LRP1B: variants seen among roughly 807,000 people sequenced by gnomAD.
LRP1B encodes low-density lipoprotein receptor-related protein 1B.
A neutral mutation model predicts 556.6 loss-of-function variants in LRP1B; 217 were observed. That is an observed-to-expected ratio of 0.39 (90% CI 0.35 to 0.44). LRP1B has a LOEUF of 0.44. LRP1B is among the 20% of genes least tolerant of loss of function. LRP1B has a pLI of 1.00. For missense variants in LRP1B, 5,053 were observed against 5,620.8 expected (o/e 0.90, Z 3.23); for synonymous variants, 2,047 against 1,865.8 (o/e 1.10, Z -2.50).
At chr2:141,566,097 T>C (rs1686320126) in intron 2 of LRP1B, among the ~76,000 whole-genome samples, 1 of 151,556 alleles carries the variant, frequency 6.6e-6, no homozygotes. Flanking sequence ...TGGCAGAAAA[T>C]GTTATTAAAA....
At chr2:141,069,152 C>A (rs1699564581) in intron 7 of LRP1B, among the ~76,000 whole-genome samples, 1 of 152,124 alleles carries the variant, frequency 6.6e-6, no homozygotes, top group Admixed American at 6.6e-5. Context: ...AGTACAAATG[C>A]AGTCCATCCT....
chr2:141,452,797 C>G (rs1341235397), intron 3 of LRP1B, among the ~76,000 whole-genome samples: 1 of 152,180 alleles, frequency 6.6e-6, no homozygotes, highest in East Asian at 1.9e-4. Flanking sequence ...GAGGTATTTC[C>G]TTTCTTAGAG....
intron 3 of LRP1B, among the ~76,000 whole-genome samples, chr2:141,427,688 T>A (rs975547201): frequency 9.2e-5 from 14 of 152,332 alleles, no homozygotes; most frequent in African/African-American, 2.6e-4. Flanking sequence ...TTGTTTTGTT[T>A]TTGTGGACTT....
chr2:141,960,024 C>T (rs1181369030), intron 1 of LRP1B, among the ~76,000 whole-genome samples: 1 of 151,872 alleles, frequency 6.6e-6, no homozygotes, highest in East Asian at 1.9e-4. Context: ...CCTATGTATA[C>T]AGACACATGC....
chr2:141,813,490 T>C (rs1444223712), intron 1 of LRP1B, among the ~76,000 whole-genome samples: 1 of 151,422 alleles, frequency 6.6e-6, no homozygotes, highest in African/African-American at 2.4e-5. Flanking sequence ...ACTAAAGAGG[T>C]CAACGTGGCT....
intron 83 of LRP1B, among the ~76,000 whole-genome samples, chr2:140,298,549 T>G (rs1306048320): frequency 6.6e-6 from 1 of 152,194 alleles, no homozygotes; most frequent in African/African-American, 2.4e-5. Flanking sequence ...GTGCTAAATC[T>G]AATTTTGTCT....
chr2:141,057,394 C>T (rs534404872), intron 9 of LRP1B, among the ~76,000 whole-genome samples: 2 of 151,930 alleles, frequency 1.3e-5, no homozygotes, highest in South Asian at 2.1e-4. Flanking sequence ...CATGTTCTCT[C>T]CTCATGGCTT....
chr2:141,445,726 T>C (rs1387616036), intron 3 of LRP1B, among the ~76,000 whole-genome samples: 1 of 152,226 alleles, frequency 6.6e-6, no homozygotes, highest in Non-Finnish European at 1.5e-5. Flanking sequence ...CATGTAGTTA[T>C]GCGTTTTGAT....
chr2:141,276,243 T>A (rs148850388), intron 3 of LRP1B, among the ~76,000 whole-genome samples: 93 of 152,328 alleles, frequency 6.1e-4, no homozygotes, highest in African/African-American at 2.1e-3. Context: ...TTCGCAGCAC[T>A]TACCACAGTC....
chr2:141,611,709 G>A (rs1688113337), intron 2 of LRP1B, among the ~76,000 whole-genome samples: 1 of 152,180 alleles, frequency 6.6e-6, no homozygotes, highest in Admixed American at 6.5e-5. Flanking sequence ...TAGATGTGGT[G>A]CGGAGCCATG....
chr2:140,352,892 T>A (rs531013146), intron 76 of LRP1B, 61 bp downstream of exon 76: 2 of 1,480,402 alleles, frequency 1.4e-6, no homozygotes, highest in East Asian at 4.7e-5. Flanking sequence ...AAAACATTTT[T>A]CTCCATAAAA....
chr2:140,950,133 A>C (rs933977888), intron 20 of LRP1B, 102 bp downstream of exon 20: 1 of 841,564 alleles, frequency 1.2e-6, no homozygotes. Flanking sequence ...TTCTTGCCTA[A>C]TAAGCAATTT....
In LRP1B at chr2:141,092,549, C is replaced by T. The variant is rs1352958308; in HGVS notation, c.1014-30276G>A. Among the ~76,000 whole-genome samples the T allele has an allele frequency of 2.0e-5, 3 of 152,238 alleles. No individual in the cohort carries two copies. The East Asian group carries it at 5.8e-4, about 29-fold the overall frequency. ...ATAGCTGTTATTTAAAGCCATAAGA[C>T]TAGATGGGTTCACCTAAAGATGAAT... On this transcript the variant is annotated intron_variant, in intron 7 of 90. Coordinates refer to ENST00000389484, the MANE Select transcript of LRP1B (RefSeq NM_018557.3).
At chr2:140,265,655 G>A (rs1198193589) in intron 86 of LRP1B, among the ~76,000 whole-genome samples, 1 of 151,980 alleles carries the variant, frequency 6.6e-6, no homozygotes, top group Non-Finnish European at 1.5e-5. Context: ...AATAAAGCAA[G>A]CACTATACTG....
At chr2:141,037,934 A>G (rs925340599) in intron 11 of LRP1B, among the ~76,000 whole-genome samples, 1 of 151,640 alleles carries the variant, frequency 6.6e-6, no homozygotes, top group Non-Finnish European at 1.5e-5. Context: ...ATACCCCTCA[A>G]GAGAGTCTAT....
intron 2 of LRP1B, among the ~76,000 whole-genome samples, chr2:141,544,925 C>T (rs188923879): frequency 1.1e-4 from 16 of 152,220 alleles, no homozygotes; most frequent in African/African-American, 3.6e-4. Flanking sequence ...CTTGGCCTCC[C>T]AAAGTGCTGG....
intron 2 of LRP1B, among the ~76,000 whole-genome samples, chr2:141,661,072 C>A (rs1690201880): frequency 6.6e-6 from 1 of 152,136 alleles, no homozygotes. Context: ...CAAACTGCAG[C>A]AGCCCGATGG....
At chr2:140,626,829 A>T (rs1255956081) in intron 41 of LRP1B, among the ~76,000 whole-genome samples, 1 of 152,046 alleles carries the variant, frequency 6.6e-6, no homozygotes, top group Non-Finnish European at 1.5e-5. Flanking sequence ...CAATAAGAAA[A>T]CTATGAAAAA....
intron 41 of LRP1B, among the ~76,000 whole-genome samples, chr2:140,609,719 G>A (rs1269681291): frequency 6.6e-6 from 1 of 152,054 alleles, no homozygotes; most frequent in Admixed American, 6.5e-5. Context: ...TGCCAAAAAC[G>A]TATGTTGAGT....
Sources: allele counts gnomAD v4.1 joint callset (sites outside exome capture counted in the v4.1 genomes callset), GRCh38; gene constraint gnomAD v4.1.1; transcripts MANE v1.5; gene names NCBI Gene and HGNC (gene_info 2026-07-23, HGNC 2026-07-21).